The following PKP4 variants were observed in gnomAD, a reference collection of about 807,000 sequenced individuals.
PKP4 encodes plakophilin 4, also known as plakophilin-4.
Under a neutral mutation model 145.1 loss-of-function variants are expected in PKP4, and 90 were observed. The ratio of observed to expected loss-of-function variants is 0.62; its 90% CI spans 0.52 to 0.74. The LOEUF (loss-of-function observed/expected upper bound fraction) is 0.74. Ranked by LOEUF, PKP4 falls within the 30% of genes least tolerant of loss-of-function variation. PKP4 has a pLI of 0.00. For synonymous variants in PKP4, 563 were observed against 577.2 expected (o/e 0.98, Z 0.35); for missense variants, 1,340 against 1,482.7 (o/e 0.90, Z 1.58).
intron 3 of PKP4, among the ~76,000 whole-genome samples, chr2:158,586,112 T>C (rs558567049): frequency 2.4e-4 from 36 of 152,346 alleles, no homozygotes; most frequent in African/African-American, 7.5e-4. Context: ...CTTCATCTTT[T>C]TTTATTTCCA....
intron 4 of PKP4, among the ~76,000 whole-genome samples, chr2:158,606,338 C>CAA (rs562405491): frequency 1.4e-4 from 21 of 145,646 alleles, no homozygotes; most frequent in South Asian, 4.4e-4. Context: ...GACTCCTTCT[C>CAA]AAAAAAAAAA....
intron 11 of PKP4, among the ~76,000 whole-genome samples, chr2:158,643,349 A>T (rs2054486830): frequency 6.6e-6 from 1 of 152,186 alleles, no homozygotes; most frequent in African/African-American, 2.4e-5. Context: ...AGGTCTTTCT[A>T]GTTACAAGCT....
intron 7 of PKP4, 134 bp from the exon 8 acceptor site, chr2:158,631,619 G>T (rs377190262): frequency 2.7e-6 from 2 of 751,896 alleles, no homozygotes; most frequent in Non-Finnish European, 2.3e-6. Context: ...TCAAATTCCT[G>T]GGCTCAAGCC....
chr2:158,601,916 T>C (rs2050266025), intron 3 of PKP4, among the ~76,000 whole-genome samples: 1 of 152,278 alleles, frequency 6.6e-6, no homozygotes, highest in South Asian at 2.1e-4. Flanking sequence ...CTTCCCCCAC[T>C]CCAAGTGCTT....
Position 158,634,062 on chromosome 2 carries a change from C to T in PKP4, c.1343-8C>T, listed in dbSNP as rs745542958. The T allele has an allele frequency of 6.6e-7, 1 of 1,523,806 alleles. No individual in the cohort carries two copies. Among genetic ancestry groups the T allele is most frequent in the African/African-American group, 1.4e-5 (1 of 73,210 alleles). 94.4% of individuals were successfully genotyped at this position (1,523,806 alleles called of 1,614,324 possible). On this transcript the variant is annotated splice_region_variant and splice_polypyrimidine_tract_variant and intron_variant, in intron 8 of 21. Coordinates refer to ENST00000389759, the MANE Select transcript of PKP4 (RefSeq NM_003628.6). Reference sequence around the variant, plus strand: ...ATACTAATCTTTTTCAAAATGTTGACTTTCTAGTAGGTATTGGAAATCTAC... The same window carrying T: ...ATACTAATCTTTTTCAAAATGTTGATTTTCTAGTAGGTATTGGAAATCTAC...
intron 16 of PKP4, chr2:158,669,494 T>G (rs1480092288): frequency 5.4e-6 from 2 of 367,388 alleles, no homozygotes; most frequent in Admixed American, 9.0e-5. Flanking sequence ...GACAGTAATG[T>G]TTTATAAATG....
intron 2 of PKP4, among the ~76,000 whole-genome samples, chr2:158,551,333 T>C (rs1475168444): frequency 1.3e-5 from 2 of 152,242 alleles, no homozygotes; most frequent in East Asian, 1.9e-4. Context: ...GAATCTTCCC[T>C]CTTCCCTGTA....
At chr2:158,595,966 G>A (rs1035600905) in intron 3 of PKP4, among the ~76,000 whole-genome samples, 1 of 151,848 alleles carries the variant, frequency 6.6e-6, no homozygotes, top group African/African-American at 2.4e-5. Context: ...GGATAACAAG[G>A]TGTTAAGTAA....
chr2:158,569,002 A>T (rs565344745), intron 2 of PKP4, among the ~76,000 whole-genome samples: 1 of 152,132 alleles, frequency 6.6e-6, no homozygotes, highest in Non-Finnish European at 1.5e-5. Flanking sequence ...TGGGTGGGGT[A>T]TGTAGGAAAA....
chr2:158,678,274 C>T (rs917807063), intron 20 of PKP4, among the ~76,000 whole-genome samples: 2 of 152,212 alleles, frequency 1.3e-5, no homozygotes, highest in Non-Finnish European at 2.9e-5. Context: ...GAGAAACCCT[C>T]CCACATGTGA....
chr2:158,562,343 T>C (rs1048436000), intron 2 of PKP4, among the ~76,000 whole-genome samples: 1 of 152,224 alleles, frequency 6.6e-6, no homozygotes, highest in East Asian at 1.9e-4. Context: ...GTAAATTCTG[T>C]AAACCTTGAG....
chr2:158,499,452 G>A (rs1169123953), intron 1 of PKP4, among the ~76,000 whole-genome samples: 1 of 152,140 alleles, frequency 6.6e-6, no homozygotes, highest in African/African-American at 2.4e-5. Context: ...ACCCAGTTGT[G>A]TTTCCAGCTA....
intron 1 of PKP4, among the ~76,000 whole-genome samples, chr2:158,475,692 G>C (rs1471174613): frequency 6.6e-6 from 1 of 152,180 alleles, no homozygotes; most frequent in African/African-American, 2.4e-5. Flanking sequence ...TATCTTTGAG[G>C]TGTGTTCTTT....
At position 158,576,194 on chromosome 2, in the gene PKP4, T is replaced by C. The variant is rs1466953087; in HGVS notation, c.133-1077T>C. Reference sequence around the variant, plus strand: ...ACTGTCAAGCAATTACATGTTTGCCTGATTTCACAGGGAGTTCATATACTT... The same window carrying C: ...ACTGTCAAGCAATTACATGTTTGCCCGATTTCACAGGGAGTTCATATACTT... On this transcript the variant is annotated intron_variant, in intron 2 of 21. Coordinates refer to ENST00000389759, the MANE Select transcript of PKP4 (RefSeq NM_003628.6). 7.2e-5 allele frequency among the ~76,000 whole-genome samples: 11 copies of C among 152,252 alleles called. No homozygotes were observed. In the East Asian group the frequency reaches 1.9e-3, roughly 27 times the overall value.
intron 1 of PKP4, among the ~76,000 whole-genome samples, chr2:158,530,918 A>G (rs1408293597): frequency 6.6e-6 from 1 of 152,126 alleles, no homozygotes; most frequent in Non-Finnish European, 1.5e-5. Context: ...TTACACAGTT[A>G]TAAGCTCTCT....
intron 1 of PKP4, among the ~76,000 whole-genome samples, chr2:158,469,314 T>C (rs542274942): frequency 6.6e-6 from 1 of 152,178 alleles, no homozygotes; most frequent in East Asian, 1.9e-4. Context: ...GGTCTCGAAC[T>C]CCTGACCTCA....
rs188512859 is a variant in PKP4 at position 158,631,778 on chromosome 2, G to A, written c.1179G>A (p.Gln393=). 4.3e-6 allele frequency: 7 copies of A among 1,614,044 alleles called. No individual in the cohort carries two copies. In the East Asian group the frequency reaches 1.6e-4, roughly 36 times the overall value. ...GCTTACGGAGTTCCTATGCTAGTCA[G>A]CATAGTCAGCTTGGGCAAGACCTTC... ...LTGLRSSYAS[Q]HSQLGQDLRS... The change falls in exon 8 of 22, where the codon CAG becomes CAA. Residue 393 remains glutamine, a synonymous_variant. Transcript: ENST00000389759.
At position 158,666,498 on chromosome 2, in the gene PKP4, T is replaced by C. The variant is rs1349546278; in HGVS notation, c.2663T>C (p.Val888Ala). ...CTTCTGAGAATGGATAACGATAGAGTTGTTTCTTCCGTGGCAACAGCCTTG... is the reference window on the plus strand; with the variant it reads ...CTTCTGAGAATGGATAACGATAGAGCTGTTTCTTCCGTGGCAACAGCCTTG... ...VELLRMDNDR[V>A]VSSVATALRN... The change falls in exon 16 of 22, where the codon GTT becomes GCT. Residue 888 changes from valine to alanine, a missense_variant. By Grantham distance (64) the Val-to-Ala change is moderately conservative. Transcript: ENST00000389759. 6.2e-7 allele frequency: 1 copy of C among 1,613,480 alleles called. No individual in the cohort carries two copies. Among genetic ancestry groups the C allele is most frequent in the Non-Finnish European group, 8.5e-7 (1 of 1,179,740 alleles).
chr2:158,577,365 C>A lies in PKP4; in HGVS notation c.227C>A (p.Pro76Gln). The A allele has an allele frequency of 6.2e-7, 1 of 1,611,534 alleles. No homozygotes were observed. The highest frequency in any genetic ancestry group is 2.2e-5 in the East Asian group (1 of 44,822). Residue 76 changes from proline (P) to glutamine (Q), a missense_variant, in exon 3 of 22, where the codon CCA (proline) becomes CAA (glutamine). Physicochemically the swap from Pro to Gln is moderately conservative, Grantham distance 76. Transcript: ENST00000389759. ...AGATGTAGGCTTGGAGCAGAATCAC[C>A]AAGCATCGCCAGCACCAGGTACAGG... Reference protein sequence around the residue: ...LERCRLGAESPSIASTSSTEK... With the variant: ...LERCRLGAESQSIASTSSTEK...
Sources: allele counts gnomAD v4.1 joint callset (sites outside exome capture counted in the v4.1 genomes callset), GRCh38; gene constraint gnomAD v4.1.1; transcripts MANE v1.5; gene names NCBI Gene and HGNC (gene_info 2026-07-23, HGNC 2026-07-21).